The following GRM7 variants were observed in gnomAD, a reference collection of about 807,000 sequenced individuals.
GRM7 encodes the protein glutamate metabotropic receptor 7.
A neutral mutation model predicts 84.5 loss-of-function variants in GRM7; 35 were observed. The observed-to-expected ratio is 0.41, with a 90% CI of 0.32 to 0.55. GRM7 has a LOEUF of 0.55. GRM7 is among the 20% of genes least tolerant of loss of function. The probability of loss-of-function intolerance (pLI) is 0.19; values close to 1 mark genes in which losing one functional copy is unlikely to be tolerated. For missense variants in GRM7, 1,003 were observed against 1,194.6 expected (o/e 0.84, Z 2.36); for synonymous variants, 487 against 455.1 (o/e 1.07, Z -0.89).
chr3:7,606,407 T>G lies in GRM7; in HGVS notation c.2451+27050T>G, dbSNP rs1007823033. Among the ~76,000 whole-genome samples, 9 of 152,202 alleles carry G rather than the reference T, an allele frequency of 5.9e-5. 1 individual carries two copies. Among genetic ancestry groups the G allele is most frequent in the Non-Finnish European group, 1.2e-4 (8 of 68,024 alleles). ...TCTGATTAGGTGAAAGGAAAATTTTTTAAAAAATCAGAGGTGGGTGATTTG... is the reference window on the plus strand; with the variant it reads ...TCTGATTAGGTGAAAGGAAAATTTTGTAAAAAATCAGAGGTGGGTGATTTG... On this transcript the variant is annotated intron_variant, in intron 8 of 9. Coordinates refer to ENST00000357716, the MANE Select transcript of GRM7 (RefSeq NM_000844.4).
chr3:7,617,642 C>T (rs188089717), intron 8 of GRM7, among the ~76,000 whole-genome samples: 20 of 151,996 alleles, frequency 1.3e-4, no homozygotes, highest in Non-Finnish European at 2.2e-4. Context: ...AAATGCAGTA[C>T]GGAAGGTAAA....
At chr3:7,460,625 T>C (rs1698208071) in intron 6 of GRM7, among the ~76,000 whole-genome samples, 2 of 152,204 alleles carry the variant, frequency 1.3e-5, no homozygotes, top group South Asian at 4.1e-4. Context: ...TATTATCATG[T>C]GGCCAGTGGT....
intron 8 of GRM7, among the ~76,000 whole-genome samples, chr3:7,599,859 C>T (rs1013352583): frequency 3.3e-5 from 5 of 151,834 alleles, no homozygotes; most frequent in Admixed American, 6.6e-5. Context: ...TGTACACGGT[C>T]GTGGGGGGTG....
chr3:7,215,258 G>A (rs924192889), intron 2 of GRM7, among the ~76,000 whole-genome samples: 1 of 152,164 alleles, frequency 6.6e-6, no homozygotes, highest in African/African-American at 2.4e-5. Flanking sequence ...TAGATATTTA[G>A]GAGTTAAAAG....
chr3:6,979,834 A>G (rs1234826121), intron 1 of GRM7, among the ~76,000 whole-genome samples: 1 of 152,202 alleles, frequency 6.6e-6, no homozygotes, highest in East Asian at 1.9e-4. Context: ...AGAAAGTAAT[A>G]TAATAGGTTA....
chr3:7,568,745 C>T (rs999623034), intron 7 of GRM7, among the ~76,000 whole-genome samples: 4 of 152,172 alleles, frequency 2.6e-5, no homozygotes, highest in Non-Finnish European at 4.4e-5. Flanking sequence ...CCCGGGCCAG[C>T]GGTTGCGGAG....
At chr3:7,327,488 C>G (rs1185530039) in intron 4 of GRM7, among the ~76,000 whole-genome samples, 2 of 152,156 alleles carry the variant, frequency 1.3e-5, no homozygotes, top group Admixed American at 1.3e-4. Context: ...TGATTCTAAA[C>G]TCCAGTTAAC....
intron 9 of GRM7, among the ~76,000 whole-genome samples, chr3:7,719,260 T>C (rs1403907639): frequency 4.6e-5 from 7 of 152,140 alleles, no homozygotes; most frequent in African/African-American, 9.7e-5. Context: ...TCTCCAAAAG[T>C]AAAATATTTC....
chr3:7,233,237 T>G (rs964916397), intron 2 of GRM7, among the ~76,000 whole-genome samples: 3 of 152,138 alleles, frequency 2.0e-5, no homozygotes, highest in Non-Finnish European at 4.4e-5. Flanking sequence ...GAAGCCCAAT[T>G]TATGTAATCT....
chr3:6,888,939 T>C (rs1257583576), intron 1 of GRM7, among the ~76,000 whole-genome samples: 1 of 152,146 alleles, frequency 6.6e-6, no homozygotes, highest in African/African-American at 2.4e-5. Flanking sequence ...CTTGAAGAGG[T>C]CCTTCACATC....
At chr3:7,381,360 C>T (rs1364372659) in intron 4 of GRM7, among the ~76,000 whole-genome samples, 1 of 151,998 alleles carries the variant, frequency 6.6e-6, no homozygotes, top group Non-Finnish European at 1.5e-5. Context: ...TTAATATATT[C>T]TGCCAGTATT....
chr3:7,013,595 C>T (rs1443361541), intron 1 of GRM7, among the ~76,000 whole-genome samples: 1 of 151,936 alleles, frequency 6.6e-6, no homozygotes, highest in Non-Finnish European at 1.5e-5. Flanking sequence ...TCCCTTTATC[C>T]TCTCTCTTAT....
intron 7 of GRM7, among the ~76,000 whole-genome samples, chr3:7,475,763 C>T (rs1698897422): frequency 6.6e-6 from 1 of 152,188 alleles, no homozygotes; most frequent in Non-Finnish European, 1.5e-5. Context: ...CACTGTCAAG[C>T]ATCTTATTAG....
At chr3:6,949,826 C>G (rs963042957) in intron 1 of GRM7, among the ~76,000 whole-genome samples, 1 of 152,042 alleles carries the variant, frequency 6.6e-6, no homozygotes, top group Admixed American at 6.6e-5. Flanking sequence ...TCTCTGATAC[C>G]CTTTCTTCCC....
At chr3:7,126,688 A>G (rs908136869) in intron 1 of GRM7, among the ~76,000 whole-genome samples, 4 of 152,214 alleles carry the variant, frequency 2.6e-5, no homozygotes, top group African/African-American at 4.8e-5. Context: ...ATATCTCAAG[A>G]TAAATGTGTT....
intron 2 of GRM7, among the ~76,000 whole-genome samples, chr3:7,180,925 A>G (rs1375221297): frequency 6.6e-6 from 1 of 152,044 alleles, no homozygotes; most frequent in African/African-American, 2.4e-5. Context: ...TAATTCACAC[A>G]CCGATTTACC....
chr3:6,998,011 T>G (rs1401435159), intron 1 of GRM7, among the ~76,000 whole-genome samples: 6 of 148,192 alleles, frequency 4.0e-5, no homozygotes, highest in Non-Finnish European at 8.9e-5. Context: ...ACCAGCTACT[T>G]GGGAGGTTGA....
chr3:7,431,635 TG>T (rs1481824714), intron 5 of GRM7, among the ~76,000 whole-genome samples: 2 of 152,218 alleles, frequency 1.3e-5, no homozygotes, highest in Non-Finnish European at 2.9e-5. Flanking sequence ...TCAGTTTTCT[TG>T]CCCATAAAGG....
intron 5 of GRM7, among the ~76,000 whole-genome samples, chr3:7,440,604 A>G (rs1336535459): frequency 6.6e-6 from 1 of 152,194 alleles, no homozygotes; most frequent in Non-Finnish European, 1.5e-5. Context: ...GTTGTCACAC[A>G]GGTGATAAAC....
Sources: gnomAD v4.1 joint callset for allele counts (sites outside exome capture counted in the v4.1 genomes callset) on GRCh38, gnomAD v4.1.1 for gene constraint, MANE v1.5 for transcripts, NCBI Gene and HGNC (gene_info 2026-07-23, HGNC 2026-07-21) for gene names.